Variants in GABRG3 observed in about 807,000 individuals in gnomAD.
GABRG3 encodes gamma-aminobutyric acid type A receptor subunit gamma3.
Under a neutral mutation model 48.8 loss-of-function variants are expected in GABRG3, and 25 were observed. The ratio of observed to expected loss-of-function variants is 0.51; its 90% CI spans 0.37 to 0.72. The LOEUF (loss-of-function observed/expected upper bound fraction) is 0.72. GABRG3 is among the 30% of genes least tolerant of loss of function. The pLI is 0.00. For missense variants in GABRG3, 394 were observed against 577.9 expected, an observed-to-expected ratio of 0.68 and a Z score of 3.26; for synonymous variants, 227 against 217.6, an observed-to-expected ratio of 1.04 and a Z score of -0.38.
intron 5 of GABRG3, among the ~76,000 whole-genome samples, chr15:27,376,729 T>C (rs1255113930): frequency 6.6e-6 from 1 of 152,116 alleles, no homozygotes; most frequent in Non-Finnish European, 1.5e-5. Flanking sequence ...GCACAGCCCA[T>C]GAAAACACTT....
intron 3 of GABRG3, among the ~76,000 whole-genome samples, chr15:27,205,400 A>G (rs1450833061): frequency 2.0e-5 from 3 of 152,118 alleles, no homozygotes; most frequent in African/African-American, 7.2e-5. Flanking sequence ...TCCCAGGAAT[A>G]AAGCATACTT....
chr15:27,407,575 G>A lies in GABRG3; in HGVS notation c.575-73075G>A, dbSNP rs953901024. 2.0e-5 allele frequency among the ~76,000 whole-genome samples: 3 copies of A among 152,134 alleles called. No individual in the cohort carries two copies. The South Asian group carries it at 6.2e-4, about 32-fold the overall frequency. ...AAACAACCAAGATGTTTTTCAGTAG[G>A]TAAATGAATAAGTCAACTTTGGTAC... On this transcript the variant is annotated intron_variant, in intron 5 of 9. Coordinates refer to ENST00000615808, the MANE Select transcript of GABRG3 (RefSeq NM_033223.5).
At chr15:27,187,908 T>C (rs1427564141) in intron 3 of GABRG3, among the ~76,000 whole-genome samples, 9 of 120,782 alleles carry the variant, frequency 7.5e-5, no homozygotes, top group Admixed American at 6.6e-4. Context: ...CCCCAGAGTG[T>C]GATGTTCCCC....
chr15:27,182,112 T>C (rs1041182500), intron 3 of GABRG3, among the ~76,000 whole-genome samples: 14 of 152,286 alleles, frequency 9.2e-5, no homozygotes, highest in Non-Finnish European at 1.9e-4. Flanking sequence ...AGTGATGTGC[T>C]GGAGCCAGTA....
chr15:27,504,672 A>C (rs962197957), intron 6 of GABRG3, among the ~76,000 whole-genome samples: 1 of 151,334 alleles, frequency 6.6e-6, no homozygotes, highest in Non-Finnish European at 1.5e-5. Context: ...ATTGGTGTGG[A>C]TCCAGATTTC....
intron 3 of GABRG3, among the ~76,000 whole-genome samples, chr15:27,249,006 C>G (rs1029213456): frequency 6.6e-6 from 1 of 151,986 alleles, no homozygotes; most frequent in Admixed American, 6.6e-5. Flanking sequence ...GCAAGGGAGA[C>G]CCACTGTTTG....
At chr15:27,253,025 C>T (rs976006188) in intron 3 of GABRG3, among the ~76,000 whole-genome samples, 2 of 152,188 alleles carry the variant, frequency 1.3e-5, no homozygotes, top group African/African-American at 4.8e-5. Context: ...GTCACTGCTC[C>T]GGGCTGCGCC....
intron 5 of GABRG3, among the ~76,000 whole-genome samples, chr15:27,449,973 A>G (rs1381537367): frequency 2.0e-5 from 3 of 152,250 alleles, no homozygotes; most frequent in Non-Finnish European, 2.9e-5. Flanking sequence ...CTTTTAAAAT[A>G]TTCACAATAT....
chr15:26,977,121 A>G lies in GABRG3; in HGVS notation c.173A>G (p.Tyr58Cys). ...TLILNKLLRE[Y>C]DKKLRPDIGI... The stretch of plus-strand genomic sequence containing the variant: ...ATTCTCAACAAGTTGCTAAGAGAAT[A>G]TGATAAAAAGCTGAGGCCAGATATT... Residue 58 changes from tyrosine to cysteine, a missense_variant, in exon 2 of 10, where the codon TAT becomes TGT. By Grantham distance (194) the Tyr-to-Cys change is radical. Around this residue, in one of 3 missense-constraint regions of GABRG3, gnomAD observed 218 missense variants for 309.9 expected, o/e 0.70. Coordinates refer to ENST00000615808, the MANE Select transcript of GABRG3 (RefSeq NM_033223.5). 1 of 1,613,860 alleles carries G rather than the reference A, an allele frequency of 6.2e-7. No individual in the cohort carries two copies. The highest frequency in any genetic ancestry group is 8.5e-7 in the Non-Finnish European group (1 of 1,179,818).
intron 3 of GABRG3, among the ~76,000 whole-genome samples, chr15:27,325,185 C>T (rs1893568858): frequency 6.6e-6 from 1 of 152,214 alleles, no homozygotes; most frequent in Non-Finnish European, 1.5e-5. Context: ...GAAACACACA[C>T]ATGCACACAC....
In GABRG3 at chr15:27,536,652, C is replaced by G. The variant is rs1891552682; in HGVS notation, c.*3771C>G. ...TGGGGCCAATCTAAAATGTCAGCAA[C>G]ACAGTCCTGATGGGGATGAGTGTCT... On this transcript the variant is annotated 3_prime_UTR_variant, in exon 10 of 10. Coordinates refer to ENST00000615808, the MANE Select transcript of GABRG3 (RefSeq NM_033223.5). 6.6e-6 allele frequency: 1 copy of G among 151,338 alleles called. No homozygotes were observed. The highest frequency in any genetic ancestry group is 2.5e-5 in the African/African-American group (1 of 40,628). 9.4% of individuals were successfully genotyped at this position (151,338 alleles called of 1,614,324 possible).
intron 3 of GABRG3, among the ~76,000 whole-genome samples, chr15:27,051,259 C>A (rs1434508712): frequency 1.3e-5 from 2 of 152,182 alleles, no homozygotes; most frequent in East Asian, 1.9e-4. Flanking sequence ...AATTTAGAAT[C>A]TCAGAAGAAA....
chr15:27,072,789 C>T (rs1448116803), intron 3 of GABRG3, among the ~76,000 whole-genome samples: 2 of 152,162 alleles, frequency 1.3e-5, no homozygotes, highest in Non-Finnish European at 2.9e-5. Context: ...AGAAGTGCCA[C>T]GCTTCTCTCT....
At chr15:27,264,999 G>C (rs1890874769) in intron 3 of GABRG3, among the ~76,000 whole-genome samples, 1 of 151,892 alleles carries the variant, frequency 6.6e-6, no homozygotes, top group Admixed American at 6.6e-5. Context: ...ATTAACCCTA[G>C]TTCTCACCAT....
intron 3 of GABRG3, among the ~76,000 whole-genome samples, chr15:27,053,763 A>T (rs1220201083): frequency 6.6e-6 from 1 of 152,252 alleles, no homozygotes; most frequent in Non-Finnish European, 1.5e-5. Flanking sequence ...AAATGTGTAA[A>T]TATACACCGT....
intron 5 of GABRG3, among the ~76,000 whole-genome samples, chr15:27,378,755 A>C (rs1457971793): frequency 6.6e-6 from 1 of 152,220 alleles, no homozygotes; most frequent in Non-Finnish European, 1.5e-5. Flanking sequence ...ACTTTATGAA[A>C]GAGATTTCAT....
chr15:27,333,977 G>A (rs1893884262), intron 5 of GABRG3, among the ~76,000 whole-genome samples: 1 of 151,934 alleles, frequency 6.6e-6, no homozygotes, highest in South Asian at 2.1e-4. Context: ...TTTCTTCTTG[G>A]TTTTCTTTTG....
At chr15:27,514,096 T>A (rs1890963517) in intron 6 of GABRG3, among the ~76,000 whole-genome samples, 1 of 152,162 alleles carries the variant, frequency 6.6e-6, no homozygotes, top group East Asian at 1.9e-4. Context: ...TTATGAAAAA[T>A]TTTTAAACTG....
rs182314018 is a variant in GABRG3, at chr15:27,469,983, C to T, written c.575-10667C>T. On this transcript the variant is annotated intron_variant, in intron 5 of 9. Coordinates refer to ENST00000615808, the MANE Select transcript of GABRG3 (RefSeq NM_033223.5). ...TGGCCTCTGGTGCTCCCAGATTCAT[C>T]GGACGCTGTGAAGTGGCATATTCTA... is the stretch of plus-strand genomic sequence containing the variant. 7.6e-4 allele frequency among the ~76,000 whole-genome samples: 115 copies of T among 152,288 alleles called. 1 individual carries two copies. Among genetic ancestry groups the T allele is most frequent in the Non-Finnish European group, 1.3e-3 (86 of 68,024 alleles).
Sources: allele counts gnomAD v4.1 joint callset (sites outside exome capture counted in the v4.1 genomes callset), GRCh38; gene constraint gnomAD v4.1.1; regional missense constraint gnomAD v4.1.1; transcripts MANE v1.5; gene names NCBI Gene and HGNC (gene_info 2026-07-23, HGNC 2026-07-21).